Variants in RPS6KA2 observed in about 807,000 individuals in gnomAD.
RPS6KA2 encodes the protein ribosomal protein S6 kinase A2, also known as ribosomal protein S6 kinase alpha-2.
Under a neutral mutation model 91.8 loss-of-function variants are expected in RPS6KA2, and 42 were observed. The ratio of observed to expected loss-of-function variants is 0.46; its 90% CI spans 0.36 to 0.59. RPS6KA2 has a LOEUF of 0.59. Among genes scored for constraint, RPS6KA2 ranks in the 20% least tolerant of loss-of-function variants. The pLI is 0.00. For synonymous variants in RPS6KA2, 414 were observed against 393.6 expected (o/e 1.05, Z -0.61); for missense variants, 798 against 978.5 (o/e 0.82, Z 2.46).
intron 2 of RPS6KA2, among the ~76,000 whole-genome samples, chr6:166,791,755 T>C (rs1330280017): frequency 1.1e-4 from 17 of 151,486 alleles, no homozygotes; most frequent in African/African-American, 3.7e-4. Context: ...CAACGTGCTC[T>C]TGAATGACCA....
chr6:166,566,867 T>A (rs1158511086), intron 1 of RPS6KA2, among the ~76,000 whole-genome samples: 5 of 152,156 alleles, frequency 3.3e-5, no homozygotes, highest in African/African-American at 9.7e-5. Context: ...GAAGGTCTCA[T>A]CTCCCACACT....
intron 1 of RPS6KA2, among the ~76,000 whole-genome samples, chr6:166,605,225 T>A (rs1241721502): frequency 6.6e-6 from 1 of 152,232 alleles, no homozygotes; most frequent in Non-Finnish European, 1.5e-5. Context: ...ATCAACGACA[T>A]TCTACCCCTC....
intron 2 of RPS6KA2, among the ~76,000 whole-genome samples, chr6:166,801,474 C>G (rs1326697224): frequency 6.6e-6 from 1 of 152,128 alleles, no homozygotes; most frequent in African/African-American, 2.4e-5. Flanking sequence ...TCCCAAATAG[C>G]TGGGACTACA....
At chr6:166,686,039 C>G (rs1789001013) in intron 2 of RPS6KA2, among the ~76,000 whole-genome samples, 1 of 152,152 alleles carries the variant, frequency 6.6e-6, no homozygotes, top group South Asian at 2.1e-4. Context: ...CTAATGAGAA[C>G]GAATGACTGG....
At position 166,695,805 on chromosome 6, in the gene RPS6KA2, CATAGGAGCACTGGA is replaced by C. The variant is rs1362813392; in HGVS notation, c.124-157035_124-157022del. 9.1e-4 allele frequency among the ~76,000 whole-genome samples: 126 copies of C among 138,228 alleles called. 1 individual carries two copies. The highest frequency in any genetic ancestry group is 4.2e-3 in the African/African-American group (119 of 28,500). 90.7% of individuals were successfully genotyped at this position (138,228 alleles called of 152,430 possible). On this transcript the variant is annotated intron_variant, in intron 2 of 21. Transcript: ENST00000503859. The stretch of plus-strand genomic sequence containing the variant: ...GATTCTCACAGGAGCACTGGATTCT[CATAGGAGCACTGGA>C]TTCTCACAGGAGCACTGGATTCTCA...
chr6:166,803,306 A>G lies in RPS6KA2; in HGVS notation c.123+54894T>C, dbSNP rs1779415818. ...CATCAAATGTATGCAAAAATTGACG[A>G]CTGTAAGTTTCATTGTTACCCATAG... is the stretch of plus-strand genomic sequence containing the variant. On this transcript the variant is annotated intron_variant, in intron 2 of 21. Transcript: ENST00000503859. 2.0e-5 allele frequency among the ~76,000 whole-genome samples: 3 copies of G among 152,346 alleles called. No homozygotes were observed. In the South Asian group the frequency reaches 6.2e-4, roughly 32 times the overall value.
chr6:166,466,006 C>T (rs969111579), intron 11 of RPS6KA2, among the ~76,000 whole-genome samples: 1 of 152,222 alleles, frequency 6.6e-6, no homozygotes, highest in Non-Finnish European at 1.5e-5. Flanking sequence ...GCCTGCCTTC[C>T]TCTGGGAAGT....
intron 2 of RPS6KA2, among the ~76,000 whole-genome samples, chr6:166,711,224 T>A (rs561270142): frequency 8.6e-5 from 13 of 150,362 alleles, no homozygotes; most frequent in African/African-American, 3.2e-4. Flanking sequence ...CCCCACAACT[T>A]CCTTCATTGC....
chr6:166,791,179 C>G (rs1450096837), intron 2 of RPS6KA2, among the ~76,000 whole-genome samples: 4 of 151,604 alleles, frequency 2.6e-5, no homozygotes, highest in Non-Finnish European at 5.9e-5. Context: ...ATCTACCAAG[C>G]AAATGGAAAA....
At chr6:166,768,870 G>A (rs576584699) in intron 2 of RPS6KA2, among the ~76,000 whole-genome samples, 36 of 152,318 alleles carry the variant, frequency 2.4e-4, no homozygotes, top group Middle Eastern at 3.4e-3. Context: ...GGCAGTGGAG[G>A]GGATTTTGCT....
rs1295564664 is a variant in RPS6KA2, at chr6:166,662,241, C to T, written c.124-123457G>A. Reference sequence around the variant, plus strand: ...CTCTGCTTCATGTACCTTTAATTCACTGGTATTCTTTTTTCTGGGATATTG... The same window carrying T: ...CTCTGCTTCATGTACCTTTAATTCATTGGTATTCTTTTTTCTGGGATATTG... On this transcript the variant is annotated intron_variant, in intron 2 of 21. Coordinates refer to the RPS6KA2 transcript ENST00000503859. This position sits in a 1 kb window ranked among gnomAD's most constrained non-coding sequence, Gnocchi z 4.3. 9.2e-5 allele frequency among the ~76,000 whole-genome samples: 14 copies of T among 152,104 alleles called. No individual in the cohort carries two copies. The highest frequency in any genetic ancestry group is 9.2e-4 in the Admixed American group (14 of 15,266).
intron 2 of RPS6KA2, among the ~76,000 whole-genome samples, chr6:166,833,862 C>G (rs1486884963): frequency 6.6e-6 from 1 of 151,936 alleles, no homozygotes; most frequent in Non-Finnish European, 1.5e-5. Context: ...GTTTTTATTC[C>G]TTTTGCATAA....
At chr6:166,515,092 G>A (rs378373) in intron 3 of RPS6KA2, among the ~76,000 whole-genome samples, 16 of 152,102 alleles carry the variant, frequency 1.1e-4, no homozygotes, top group South Asian at 8.3e-4. Flanking sequence ...TGAGGACCTC[G>A]GTAGGGTTAC....
rs542906311 is a variant in RPS6KA2, at chr6:166,513,593, G to A, written c.299-3236C>T. Among the ~76,000 whole-genome samples, 15 of 152,334 alleles carry A rather than the reference G, an allele frequency of 9.8e-5. No individual in the cohort carries two copies. In the South Asian group the frequency reaches 3.1e-3, roughly 32 times the overall value. ...TGCCTGCCCCGCTCCACTGGGTGAA[G>A]GCCTGGCGTACGTCCCAGCCAGCAT... On this transcript the variant is annotated intron_variant, in intron 3 of 20. Transcript: ENST00000265678.
At chr6:166,439,620 C>G (rs1432254993) in intron 14 of RPS6KA2, among the ~76,000 whole-genome samples, 2 of 152,202 alleles carry the variant, frequency 1.3e-5, no homozygotes, top group Non-Finnish European at 2.9e-5. Context: ...GTGAACAACC[C>G]ATGCAGGGGG....
chr6:166,638,011 T>C (rs974750963), intron 2 of RPS6KA2, among the ~76,000 whole-genome samples: 2 of 152,234 alleles, frequency 1.3e-5, no homozygotes, highest in Non-Finnish European at 2.9e-5. Context: ...TCTGGGAGTT[T>C]GTGGCCACAG....
intron 11 of RPS6KA2, 140 bp downstream of exon 11, chr6:166,469,701 G>GC: frequency 1.3e-6 from 1 of 780,698 alleles, no homozygotes; most frequent in South Asian, 1.4e-5. Context: ...GGGGCTCCCT[G>GC]CCTGCAGGTG....
intron 1 of RPS6KA2, among the ~76,000 whole-genome samples, chr6:166,606,250 C>G (rs183731849): frequency 6.6e-6 from 1 of 152,180 alleles, no homozygotes; most frequent in Non-Finnish European, 1.5e-5. Context: ...AGTGCTTGCA[C>G]GAGAGGTAAA....
chr6:166,836,980 C>T (rs958605164), intron 2 of RPS6KA2, among the ~76,000 whole-genome samples: 1 of 152,186 alleles, frequency 6.6e-6, no homozygotes, highest in South Asian at 2.1e-4. Flanking sequence ...CTGAGCTTCT[C>T]TTGGGACCTG....
Sources: allele counts gnomAD v4.1 joint callset (sites outside exome capture counted in the v4.1 genomes callset), GRCh38; gene constraint gnomAD v4.1.1; non-coding constraint Gnocchi (gnomAD v3.1); transcripts MANE v1.5; gene names NCBI Gene and HGNC (gene_info 2026-07-23, HGNC 2026-07-21).